The following PTPRJ variants were observed in gnomAD, a reference collection of about 807,000 sequenced individuals.
The protein encoded by PTPRJ is protein tyrosine phosphatase receptor type J.
Under a neutral mutation model 141.3 loss-of-function variants are expected in PTPRJ, and 129 were observed. The ratio of observed to expected loss-of-function variants is 0.91; its 90% confidence interval spans 0.79 to 1.06. The LOEUF is 1.06. PTPRJ is among the 50% of genes least tolerant of loss of function. PTPRJ has a pLI of 0.00. For synonymous variants in PTPRJ, 610 were observed against 640.5 expected, an observed-to-expected ratio of 0.95 and a Z score of 0.72; for missense variants, 1,601 against 1,679.7, an observed-to-expected ratio of 0.95 and a Z score of 0.82.
In PTPRJ at chr11:48,168,657, A is replaced by T. The variant is rs184241728; in HGVS notation, c.*1295A>T. On this transcript the variant is annotated 3_prime_UTR_variant, in exon 25 of 25. Coordinates refer to ENST00000418331, the MANE Select transcript of PTPRJ (RefSeq NM_002843.4). The stretch of plus-strand genomic sequence containing the variant: ...TTGAATTTGTATCAAAGATGTAATT[A>T]TTATTTTTAAAACCTTTTCACTATA... 4 of 142,506 alleles carry T rather than the reference A, an allele frequency of 2.8e-5. No homozygotes were observed. The allele number at this position is 142,506 out of a possible 1,614,324, so 8.8% of individuals were successfully genotyped here.
intron 1 of PTPRJ, among the ~76,000 whole-genome samples, chr11:48,004,844 G>A (rs997169847): frequency 1.3e-5 from 2 of 152,080 alleles, no homozygotes; most frequent in Non-Finnish European, 2.9e-5. Flanking sequence ...TCATTTTATT[G>A]TTTTGTATTT....
chr11:48,061,205 A>G (rs1397702008), intron 1 of PTPRJ, among the ~76,000 whole-genome samples: 1 of 151,968 alleles, frequency 6.6e-6, no homozygotes, highest in Non-Finnish European at 1.5e-5. Context: ...CGAACTCCTG[A>G]CCTCAGGTGA....
Position 48,145,137 on chromosome 11 carries a change from C to G in PTPRJ, c.2911+13C>G, listed in dbSNP as rs993343896. The G allele has an allele frequency of 4.3e-6, 7 of 1,613,378 alleles. No individual in the cohort carries two copies. The highest frequency in any genetic ancestry group is 1.3e-5 in the African/African-American group (1 of 74,902). ...CCCCAGGATCCAGGTAGGGAGAAGA[C>G]AACAGTCCTGGCACTGGTTCAGTGG... is the stretch of plus-strand genomic sequence containing the variant. On this transcript the variant is annotated intron_variant, in intron 14 of 24. Coordinates refer to ENST00000418331, the MANE Select transcript of PTPRJ (RefSeq NM_002843.4).
chr11:48,085,040 T>C (rs1422345002), intron 1 of PTPRJ, among the ~76,000 whole-genome samples: 1 of 152,154 alleles, frequency 6.6e-6, no homozygotes, highest in East Asian at 1.9e-4. Flanking sequence ...GCCATCCACA[T>C]GTTGAGTTTT....
intron 2 of PTPRJ, 139 bp from the exon 3 acceptor site, chr11:48,112,605 GTGA>G (rs1437723193): frequency 1.3e-5 from 9 of 672,252 alleles, no homozygotes; most frequent in African/African-American, 1.8e-5. Flanking sequence ...CATGTTGTAG[GTGA>G]TGATACAAAG....
intron 15 of PTPRJ, among the ~76,000 whole-genome samples, chr11:48,148,440 A>ATTT (rs879923314): frequency 3.5e-5 from 5 of 143,974 alleles, no homozygotes; most frequent in African/African-American, 1.0e-4. Context: ...TTTCATCACA[A>ATTT]TTTTTTTTTT....
chr11:48,064,599 G>GTATT (rs1034092227), intron 1 of PTPRJ, among the ~76,000 whole-genome samples: 28 of 133,044 alleles, frequency 2.1e-4, no homozygotes, highest in Non-Finnish European at 2.9e-4. Flanking sequence ...AGCTGCAAAT[G>GTATT]TATTTATTTA....
At chr11:47,988,556 A>G (rs1854109965) in intron 1 of PTPRJ, among the ~76,000 whole-genome samples, 1 of 152,032 alleles carries the variant, frequency 6.6e-6, no homozygotes, top group Non-Finnish European at 1.5e-5. Context: ...TTATTTGACC[A>G]TTCTCCTATC....
rs66504227 is a variant in PTPRJ, at chr11:48,035,538, C to CTT, written c.96+54556_96+54557dup. ...TTTCTTTTCTTTTTTCTTTCTTCTT[C>CTT]TTTTTTTTTTTTTTTTTTTTTTTTT... On this transcript the variant is annotated intron_variant, in intron 1 of 24. Coordinates refer to ENST00000418331, the MANE Select transcript of PTPRJ (RefSeq NM_002843.4). 4.4e-3 allele frequency among the ~76,000 whole-genome samples: 274 copies of CTT among 61,716 alleles called. 7 individuals are homozygous for CTT. The highest frequency in any genetic ancestry group is 6.2e-3 in the Non-Finnish European group (208 of 33,802). The allele number at this position is 61,716 out of a possible 152,430, so 40.5% of individuals were successfully genotyped here.
At position 48,169,850 on chromosome 11, in the gene PTPRJ, G is replaced by C. The variant is rs868541007; in HGVS notation, c.*2488G>C. 1.3e-5 allele frequency: 2 copies of C among 152,204 alleles called. No homozygotes were observed. The highest frequency in any genetic ancestry group is 2.9e-5 in the Non-Finnish European group (2 of 68,064). The allele number at this position is 152,204 out of a possible 1,614,324, so 9.4% of individuals were successfully genotyped here. Reference sequence around the variant, plus strand: ...CAGCAATCATGGGAGGAACTCTTGCGGGGGAGCGGTCTGGGATTCCAAATG... The same window carrying C: ...CAGCAATCATGGGAGGAACTCTTGCCGGGGAGCGGTCTGGGATTCCAAATG... On this transcript the variant is annotated 3_prime_UTR_variant, in exon 25 of 25. Transcript: ENST00000418331.
intron 21 of PTPRJ, 128 bp downstream of exon 21, chr11:48,156,247 C>T: frequency 1.3e-6 from 1 of 771,078 alleles, no homozygotes; most frequent in Non-Finnish European, 2.0e-6. Context: ...TTCTTATAAA[C>T]TTGTTTTCTG....
At chr11:48,022,156 G>C (rs1855141810) in intron 1 of PTPRJ, among the ~76,000 whole-genome samples, 1 of 152,152 alleles carries the variant, frequency 6.6e-6, no homozygotes, top group Non-Finnish European at 1.5e-5. Flanking sequence ...TTTTATGTAA[G>C]TGTTGGTTGT....
At chr11:48,082,626 T>A (rs1333147317) in intron 1 of PTPRJ, among the ~76,000 whole-genome samples, 1 of 151,836 alleles carries the variant, frequency 6.6e-6, no homozygotes, top group Non-Finnish European at 1.5e-5. Context: ...GCTATTTTTT[T>A]TTTTTTAATG....
In PTPRJ at chr11:48,167,383, T is replaced by G; in HGVS notation, c.*21T>G. 1.2e-6 allele frequency: 2 copies of G among 1,612,586 alleles called. No homozygotes were observed. The highest frequency in any genetic ancestry group is 1.7e-6 in the Non-Finnish European group (2 of 1,179,078). ...CCTAATTCCAAAGGAATAACCTTTC[T>G]GGAGTGAACCAGACCGTCGCACCCA... On this transcript the variant is annotated 3_prime_UTR_variant, in exon 25 of 25. Coordinates refer to ENST00000418331, the MANE Select transcript of PTPRJ (RefSeq NM_002843.4).
At chr11:48,153,936 C>T in intron 19 of PTPRJ, 50 bp downstream of exon 19, 1 of 1,294,980 alleles carries the variant, frequency 7.7e-7, no homozygotes, top group Non-Finnish European at 1.1e-6. Flanking sequence ...CAGTGGCCAT[C>T]ACATCTCTAA....
At chr11:48,074,510 ACTCT>A (rs1386141060) in intron 1 of PTPRJ, among the ~76,000 whole-genome samples, 1 of 151,936 alleles carries the variant, frequency 6.6e-6, no homozygotes, top group Non-Finnish European at 1.5e-5. Context: ...AGTGGCAAAG[ACTCT>A]CTCCCCACCA....
chr11:48,037,074 T>C (rs1854144192), intron 1 of PTPRJ, among the ~76,000 whole-genome samples: 1 of 152,206 alleles, frequency 6.6e-6, no homozygotes, highest in Admixed American at 6.5e-5. Context: ...AAAATTACAC[T>C]GGAAAGCGTA....
At chr11:48,154,045 C>T (rs1012408840) in intron 19 of PTPRJ, among the ~76,000 whole-genome samples, 159 bp downstream of exon 19, 3 of 152,244 alleles carry the variant, frequency 2.0e-5, no homozygotes, top group Non-Finnish European at 4.4e-5. Context: ...CTACTATGTG[C>T]TAAGCACTAT....
chr11:48,143,545 C>T (rs1857282388), intron 12 of PTPRJ, among the ~76,000 whole-genome samples: 1 of 152,168 alleles, frequency 6.6e-6, no homozygotes, highest in Non-Finnish European at 1.5e-5. Flanking sequence ...CAGAGGATGA[C>T]TTTCCTTTGA....
Sources: allele counts gnomAD v4.1 joint callset (sites outside exome capture counted in the v4.1 genomes callset), GRCh38; gene constraint gnomAD v4.1.1; transcripts MANE v1.5; gene names NCBI Gene and HGNC (gene_info 2026-07-23, HGNC 2026-07-21).